The following LRRN1 variants were observed in gnomAD, a reference collection of about 807,000 sequenced individuals.
LRRN1 encodes leucine rich repeat neuronal 1.
In LRRN1, 14 loss-of-function variants were observed where a neutral mutation model predicts 45.8. The observed-to-expected ratio is 0.31, with a 90% CI of 0.20 to 0.48. The LOEUF is 0.48. LRRN1 is among the 20% of genes least tolerant of loss of function. The pLI is 0.99. For synonymous variants in LRRN1, 359 were observed against 330.1 expected, an observed-to-expected ratio of 1.09 and a Z score of -0.95; for missense variants, 789 against 874.2, an observed-to-expected ratio of 0.90 and a Z score of 1.23.
intron 1 of LRRN1, among the ~76,000 whole-genome samples, chr3:3,833,616 T>C (rs1693419550): frequency 6.6e-6 from 1 of 152,282 alleles, no homozygotes; most frequent in South Asian, 2.1e-4. Flanking sequence ...ATTTTAGTTA[T>C]AGGTCTAGAA....
chr3:3,833,422 A>G (rs1693412522), intron 1 of LRRN1, among the ~76,000 whole-genome samples: 2 of 152,192 alleles, frequency 1.3e-5, no homozygotes, highest in Admixed American at 1.3e-4. Context: ...GGCCCAAATC[A>G]ATAAGTTCAG....
At position 3,845,979 on chromosome 3, in the gene LRRN1, C is replaced by T; in HGVS notation, c.1338C>T (p.Asp446=). The stretch of plus-strand genomic sequence containing the variant: ...ATATCGGCACGACGGTTTTCCTAGA[C>T]TGTCGAGCCATGGCTGAGCCAGAAC... ...NVDIGTTVFL[D]CRAMAEPEPE... Residue 446 remains aspartate (D), a synonymous_variant, in exon 2 of 2, where the codon GAC becomes GAT. Coordinates refer to ENST00000319331, the MANE Select transcript of LRRN1 (RefSeq NM_020873.7). This position sits in a 1 kb window ranked among gnomAD's most constrained non-coding sequence, Gnocchi z 6.5. The T allele has an allele frequency of 6.2e-7, 1 of 1,614,078 alleles. No homozygotes were observed. The highest frequency in any genetic ancestry group is 8.5e-7 in the Non-Finnish European group (1 of 1,179,934).
Position 3,847,735 on chromosome 3 carries a change from A to G in LRRN1, c.*943A>G, listed in dbSNP as rs1693808114. 6.0e-6 allele frequency: 1 copy of G among 166,692 alleles called. No homozygotes were observed. Among genetic ancestry groups the G allele is most frequent in the Non-Finnish European group, 1.5e-5 (1 of 68,116 alleles). The allele number at this position is 166,692 out of a possible 1,614,324, so 10.3% of individuals were successfully genotyped here. A position where few individuals can be genotyped will look rare whatever the true frequency, so the allele number is the denominator to read the frequency against. ...CTGTAGCATGTTGCTTTTTAAAGCT[A>G]GGCCCTAAAAGGTTTTAATTCTTTT... is the stretch of plus-strand genomic sequence containing the variant. On this transcript the variant is annotated 3_prime_UTR_variant, in exon 2 of 2. Transcript: ENST00000319331.
At chr3:3,806,005 G>A (rs981304245) in intron 1 of LRRN1, among the ~76,000 whole-genome samples, 1 of 152,158 alleles carries the variant, frequency 6.6e-6, no homozygotes, top group Admixed American at 6.5e-5. Context: ...ACTCTGCACA[G>A]AGGATTTCAA....
intron 1 of LRRN1, among the ~76,000 whole-genome samples, chr3:3,805,669 T>C (rs991311311): frequency 6.6e-6 from 1 of 152,242 alleles, no homozygotes; most frequent in African/African-American, 2.4e-5. Flanking sequence ...GTGATGTTTC[T>C]GGTCCCTAAT....
rs1486747878 is a variant in LRRN1 at position 3,847,382 on chromosome 3, CCTTTTTTTTTTT to C, written c.*591_*602del. Reference sequence around the variant, plus strand: ...TAAACAATGAATTTTCTTTTTCTTTCCTTTTTTTTTTTTTTGTTGTAATAGTTAAAGAGGCTT... The same window carrying C: ...TAAACAATGAATTTTCTTTTTCTTTCTTTGTTGTAATAGTTAAAGAGGCTT... On this transcript the variant is annotated 3_prime_UTR_variant, in exon 2 of 2. Transcript: ENST00000319331. 1 of 31,266 alleles carries C rather than the reference CCTTTTTTTTTTT, an allele frequency of 3.2e-5. No individual in the cohort carries two copies. Among genetic ancestry groups the C allele is most frequent in the Non-Finnish European group, 1.0e-4 (1 of 9,578 alleles). The allele number at this position is 31,266 out of a possible 1,614,324, so 1.9% of individuals were successfully genotyped here. A position where few individuals can be genotyped will look rare whatever the true frequency, so the allele number is the denominator to read the frequency against.
chr3:3,827,580 G>A (rs907055386), intron 1 of LRRN1: 1 of 443,852 alleles, frequency 2.3e-6, no homozygotes, highest in African/African-American at 2.0e-5. Context: ...ATTCCTAAAA[G>A]AAAGGAAGCA....
intron 1 of LRRN1, among the ~76,000 whole-genome samples, chr3:3,836,745 T>TG (rs1489305762): frequency 3.9e-5 from 6 of 152,192 alleles, no homozygotes; most frequent in South Asian, 2.1e-4. Context: ...GAGTGGGATA[T>TG]GGGGGGTGGT....
At position 3,845,151 on chromosome 3, in the gene LRRN1, A is replaced by G. The variant is rs374818206; in HGVS notation, c.510A>G (p.Leu170=). The part of the protein sequence containing the change: ...AHAFAGLKNL[L]RLHLNSNKLK... The stretch of plus-strand genomic sequence containing the variant: ...CTTTTGCAGGCTTAAAAAATCTATT[A>G]AGGCTCCACCTGAACTCCAACAAAT... Residue 170 remains leucine, a synonymous_variant, in exon 2 of 2, where the codon TTA becomes TTG. Coordinates refer to ENST00000319331, the MANE Select transcript of LRRN1 (RefSeq NM_020873.7). This position sits in a 1 kb window ranked among gnomAD's most constrained non-coding sequence, Gnocchi z 6.5. The G allele has an allele frequency of 6.2e-7, 1 of 1,614,128 alleles. No individual in the cohort carries two copies. The highest frequency in any genetic ancestry group is 1.3e-5 in the African/African-American group (1 of 75,028).
chr3:3,810,019 G>A (rs1353982436), intron 1 of LRRN1, among the ~76,000 whole-genome samples: 3 of 152,144 alleles, frequency 2.0e-5, no homozygotes, highest in Non-Finnish European at 4.4e-5. Flanking sequence ...GTCACCTTTC[G>A]TGGTGGACCC....
At chr3:3,835,939 TG>T (rs1693500789) in intron 1 of LRRN1, among the ~76,000 whole-genome samples, 1 of 152,192 alleles carries the variant, frequency 6.6e-6, no homozygotes, top group South Asian at 2.1e-4. Context: ...GTGCCAATTC[TG>T]GGCCTTAAAG....
At chr3:3,803,687 A>G (rs1561800) in intron 1 of LRRN1, among the ~76,000 whole-genome samples, 88,228 of 151,930 alleles carry the variant, frequency 0.58, 27,295 homozygotes, top group Non-Finnish European at 0.7. Flanking sequence ...AATTATATGG[A>G]TGAAGTCAGA....
At chr3:3,841,561 C>G (rs562342719) in intron 1 of LRRN1, among the ~76,000 whole-genome samples, 77 of 152,002 alleles carry the variant, frequency 5.1e-4, no homozygotes, top group Non-Finnish European at 8.1e-4. Flanking sequence ...CTCTGTTGCC[C>G]AGGCTGGAGT....
chr3:3,821,680 A>G (rs976974332), intron 1 of LRRN1, among the ~76,000 whole-genome samples: 1 of 152,212 alleles, frequency 6.6e-6, no homozygotes, highest in Non-Finnish European at 1.5e-5. Flanking sequence ...GATGGATCAC[A>G]GAACAGGTTT....
At chr3:3,837,389 A>G (rs976658382) in intron 1 of LRRN1, among the ~76,000 whole-genome samples, 7 of 151,896 alleles carry the variant, frequency 4.6e-5, no homozygotes, top group African/African-American at 1.7e-4. Context: ...GACCACAACC[A>G]ACCCCACCTT....
chr3:3,845,926 G>A lies in LRRN1; in HGVS notation c.1285G>A (p.Asp429Asn), dbSNP rs367832853. ...SEQCLPMISH[D>N]SFPNRLNVDI... is the part of the protein sequence containing the mutation. The stretch of plus-strand genomic sequence containing the variant: ...ACAGTGCCTCCCAATGATATCTCAC[G>A]ACAGCTTCCCAAATCGTTTAAACGT... The change falls in exon 2 of 2, where the codon GAC becomes AAC. Residue 429 changes from aspartate to asparagine, a missense_variant. By Grantham distance (23) the Asp-to-Asn change is conservative. Transcript: ENST00000319331. This position sits in a 1 kb window ranked among gnomAD's most constrained non-coding sequence, Gnocchi z 6.5. The A allele has an allele frequency of 2.5e-5, 41 of 1,614,056 alleles. No homozygotes were observed. In the South Asian group the frequency reaches 3.0e-4, roughly 12 times the overall value.
rs913478191 is a variant in LRRN1 at position 3,847,623 on chromosome 3, C to T, written c.*831C>T. On this transcript the variant is annotated 3_prime_UTR_variant, in exon 2 of 2. Coordinates refer to ENST00000319331, the MANE Select transcript of LRRN1 (RefSeq NM_020873.7). Reference sequence around the variant, plus strand: ...AGTTTTGTTCTGATTTTTTAGAACACTTGCAATAATGTATCATTTATAGTT... The same window carrying T: ...AGTTTTGTTCTGATTTTTTAGAACATTTGCAATAATGTATCATTTATAGTT... The T allele has an allele frequency of 2.4e-5, 4 of 167,014 alleles. No homozygotes were observed. Among genetic ancestry groups the T allele is most frequent in the Non-Finnish European group, 4.4e-5 (3 of 68,094 alleles). 10.3% of individuals were successfully genotyped at this position (167,014 alleles called of 1,614,324 possible).
intron 1 of LRRN1, among the ~76,000 whole-genome samples, chr3:3,834,525 G>GATATATATATCATATATATATATATAT (rs1693446549): frequency 6.6e-4 from 18 of 27,328 alleles, no homozygotes; most frequent in Non-Finnish European, 1.4e-3. Context: ...GACAGAACAG[G>GATATATATATCATATATATATATATAT]ATATATATAT....
At chr3:3,835,110 CAG>C (rs1442781353) in intron 1 of LRRN1, among the ~76,000 whole-genome samples, 4 of 152,124 alleles carry the variant, frequency 2.6e-5, no homozygotes, top group Admixed American at 6.6e-5. Flanking sequence ...AACTGAGGCA[CAG>C]AGAATTTAAG....
Sources: gnomAD v4.1 joint callset for allele counts (sites outside exome capture counted in the v4.1 genomes callset) on GRCh38, gnomAD v4.1.1 for gene constraint, Gnocchi (gnomAD v3.1) non-coding constraint, MANE v1.5 for transcripts, NCBI Gene and HGNC (gene_info 2026-07-23, HGNC 2026-07-21) for gene names.